Variants in RUFY2 observed in about 807,000 individuals in gnomAD.
RUFY2 encodes RUN and FYVE domain containing 2.
Under a neutral mutation model 94.4 loss-of-function variants are expected in RUFY2, and 49 were observed. The ratio of observed to expected loss-of-function variants is 0.52; its 90% confidence interval spans 0.41 to 0.66. The LOEUF is 0.66. Among genes scored for constraint, RUFY2 ranks in the 30% least tolerant of loss-of-function variants. The probability of loss-of-function intolerance (pLI) is 0.00; values close to 1 mark genes in which losing one functional copy is unlikely to be tolerated. For synonymous variants in RUFY2, 255 were observed against 235.7 expected (o/e 1.08, Z -0.75); for missense variants, 541 against 692.8 (o/e 0.78, Z 2.46).
downstream of RUFY2, chr10:68,342,228 A>G (rs1434858023): frequency 3.8e-6 from 2 of 527,154 alleles, no homozygotes; most frequent in Admixed American, 3.7e-5. Flanking sequence ...CTGTAGGTTT[A>G]TTTGTTGCAT....
intron 12 of RUFY2, chr10:68,377,499 T>C: frequency 1.0e-6 from 1 of 988,294 alleles, no homozygotes; most frequent in Non-Finnish European, 1.2e-6. Context: ...ATTTACTAAA[T>C]TATGCCGAAG....
chr10:68,388,565 A>G (rs1291035035), intron 7 of RUFY2, among the ~76,000 whole-genome samples: 1 of 152,226 alleles, frequency 6.6e-6, no homozygotes, highest in African/African-American at 2.4e-5. Context: ...GGCCGGGTGC[A>G]GTGGCTAACA....
intron 7 of RUFY2, among the ~76,000 whole-genome samples, chr10:68,392,800 C>T (rs921146050): frequency 1.3e-4 from 19 of 150,936 alleles, no homozygotes; most frequent in African/African-American, 3.2e-4. Context: ...TGGTGGTGCG[C>T]GCCTATAGTC....
intron 4 of RUFY2, among the ~76,000 whole-genome samples, 182 bp from the exon 5 acceptor site, chr10:68,394,633 T>G (rs972943769): frequency 1.3e-5 from 2 of 151,546 alleles, no homozygotes; most frequent in Non-Finnish European, 2.9e-5. Flanking sequence ...TTTTATTTAT[T>G]AATTTTTTTT....
chr10:68,376,665 A>G (rs894501746), intron 13 of RUFY2, among the ~76,000 whole-genome samples, 188 bp downstream of exon 13: 50 of 151,080 alleles, frequency 3.3e-4, no homozygotes, highest in Non-Finnish European at 7.2e-4. Context: ...TCTGTAAATC[A>G]TAAAGGGAGT....
At position 68,345,696 on chromosome 10, in the gene RUFY2, G is replaced by A. The variant is rs899194524; in HGVS notation, c.*72C>T. On this transcript the variant is annotated 3_prime_UTR_variant, in exon 18 of 18. Transcript: ENST00000602465. The stretch of plus-strand genomic sequence containing the variant: ...GAAAGCCGCTTAAGGAGAGCTGTCT[G>A]GTTACCTTTGTATACAACATCATAA... 1.4e-6 allele frequency: 2 copies of A among 1,415,294 alleles called. No individual in the cohort carries two copies. The allele number at this position is 1,415,294 out of a possible 1,614,324, so 87.7% of individuals were successfully genotyped here.
At position 68,396,883 on chromosome 10, in the gene RUFY2, T is replaced by G; in HGVS notation, c.297-2A>C. The G allele has an allele frequency of 6.2e-7, 1 of 1,609,026 alleles. No individual in the cohort carries two copies. The highest frequency in any genetic ancestry group is 8.5e-7 in the Non-Finnish European group (1 of 1,176,020). On this transcript the variant is annotated splice_acceptor_variant, in intron 3 of 17. Coordinates refer to ENST00000602465, the MANE Select transcript of RUFY2 (RefSeq NM_001330103.2). LOFTEE classifies it high-confidence loss of function. ...GCTCTTGCTCGACCCAGAGGGGTCC[T>G]AAAGAGAAGAACCAATTGATCAGAA...
At chr10:68,351,288 C>G (rs138056612) in intron 16 of RUFY2, among the ~76,000 whole-genome samples, 1,708 of 151,396 alleles carry the variant, frequency 0.011, 30 homozygotes, top group African/African-American at 0.037. Flanking sequence ...TGTGCCACCA[C>G]GCCCGGCTAA....
intron 15 of RUFY2, among the ~76,000 whole-genome samples, chr10:68,357,958 T>G (rs972043367): frequency 6.6e-6 from 1 of 151,882 alleles, no homozygotes. Flanking sequence ...GAGGCTGAGG[T>G]GGGGAGATCA....
chr10:68,395,210 C>T (rs888872206), intron 4 of RUFY2, among the ~76,000 whole-genome samples: 8 of 151,904 alleles, frequency 5.3e-5, no homozygotes, highest in African/African-American at 1.4e-4. Context: ...TGGTGGCACA[C>T]GCCTGTAATT....
intron 2 of RUFY2, among the ~76,000 whole-genome samples, chr10:68,403,125 C>A (rs2050987980): frequency 6.7e-6 from 1 of 149,774 alleles, no homozygotes; most frequent in Admixed American, 6.7e-5. Context: ...AGATTACAGA[C>A]ATGAGCCATC....
Position 68,379,424 on chromosome 10 carries a change from C to T in RUFY2, c.1205G>A (p.Arg402Lys), listed in dbSNP as rs1416942233. 1.3e-6 allele frequency: 2 copies of T among 1,598,394 alleles called. No homozygotes were observed. The highest frequency in any genetic ancestry group is 1.7e-6 in the Non-Finnish European group (2 of 1,173,000). The change falls in exon 12 of 18, where the codon AGA becomes AAA. Residue 402 changes from arginine (R) to lysine (K), a missense_variant and splice_region_variant. Arg to Lys is a conservative substitution (Grantham distance 26). Around this residue, in one of 3 missense-constraint regions of RUFY2, gnomAD observed 403 missense variants for 480.7 expected, o/e 0.84. Coordinates refer to ENST00000602465, the MANE Select transcript of RUFY2 (RefSeq NM_001330103.2). Reference protein sequence around the residue: ...ITAAMRQLEQRLQQAEKAQME... With the variant: ...ITAAMRQLEQKLQQAEKAQME... ...GAAACTAAGACTGGAAATGCTGTACCTTTGTTCCAGCTGCCTCATGGCTGC... is the reference window on the plus strand; with the variant it reads ...GAAACTAAGACTGGAAATGCTGTACTTTTGTTCCAGCTGCCTCATGGCTGC...
At chr10:68,406,969 C>T (rs2051372883) in intron 1 of RUFY2, 3 of 1,542,740 alleles carry the variant, frequency 1.9e-6, no homozygotes, top group East Asian at 4.9e-5. Context: ...TGCCTCAGAA[C>T]CCGGGCGGGA....
chr10:68,385,806 C>T (rs572925310), intron 8 of RUFY2, among the ~76,000 whole-genome samples: 194 of 152,218 alleles, frequency 1.3e-3, no homozygotes, highest in Non-Finnish European at 2.1e-3. Context: ...GTGTGAGTTT[C>T]ATCTCTGAGG....
chr10:68,396,572 A>G (rs2050411296), intron 4 of RUFY2, among the ~76,000 whole-genome samples: 1 of 152,206 alleles, frequency 6.6e-6, no homozygotes, highest in Non-Finnish European at 1.5e-5. Context: ...CTGGCTGATA[A>G]CAAAGCTTAT....
rs1413081650 is a variant in RUFY2, at chr10:68,355,416, A to T, written c.1551-15T>A. The T allele has an allele frequency of 5.8e-6, 9 of 1,542,550 alleles. No homozygotes were observed. The highest frequency in any genetic ancestry group is 8.1e-6 in the Non-Finnish European group (9 of 1,116,120). ...TAAGTTTTGATCTAAAAAGATTACA[A>T]ATAGGTCCAAATTTCAGTACACATA... On this transcript the variant is annotated splice_polypyrimidine_tract_variant and intron_variant, in intron 15 of 17. Transcript: ENST00000602465.
At chr10:68,405,739 A>T in intron 1 of RUFY2, 7 of 981,476 alleles carry the variant, frequency 7.1e-6, no homozygotes, top group Non-Finnish European at 8.5e-6. Context: ...CTTCATTCTG[A>T]CTGTAGTTCT....
In RUFY2 at chr10:68,345,760, C is replaced by T; in HGVS notation, c.*8G>A. 1 of 1,608,536 alleles carries T rather than the reference C, an allele frequency of 6.2e-7. No individual in the cohort carries two copies. The highest frequency in any genetic ancestry group is 1.1e-5 in the South Asian group (1 of 90,336). On this transcript the variant is annotated 3_prime_UTR_variant, in exon 18 of 18. Transcript: ENST00000602465. The stretch of plus-strand genomic sequence containing the variant: ...TAATTTCATACATAAGGATTTAGTT[C>T]TGGAGTCTCAGGGCAAGTTAGATGA...
chr10:68,400,171 G>A (rs1317715642), intron 3 of RUFY2, among the ~76,000 whole-genome samples: 1 of 151,710 alleles, frequency 6.6e-6, no homozygotes, highest in East Asian at 2.0e-4. Flanking sequence ...AATTAGCCAG[G>A]TATGGATGGT....
Sources: gnomAD v4.1 joint callset for allele counts (sites outside exome capture counted in the v4.1 genomes callset) on GRCh38, gnomAD v4.1.1 for gene constraint, gnomAD v4.1.1 regional missense constraint, MANE v1.5 for transcripts, NCBI Gene and HGNC (gene_info 2026-07-23, HGNC 2026-07-21) for gene names.